The following FBN2 variants were observed in gnomAD, a reference collection of about 807,000 sequenced individuals.
FBN2 encodes fibrillin 2.
FBN2 carries 105 observed loss-of-function variants against 355.6 expected under a neutral mutation model. The observed-to-expected ratio is 0.30, with a 90% CI of 0.25 to 0.35. The LOEUF (loss-of-function observed/expected upper bound fraction) is 0.35, where lower values mean the gene tolerates loss of function less well. Among genes scored for constraint, FBN2 ranks in the 10% least tolerant of loss-of-function variants. The pLI, the probability that FBN2 is intolerant of heterozygous loss-of-function variation, is 1.00. For missense variants in FBN2, 3,280 were observed against 3,758.7 expected (o/e 0.87, Z 3.33); for synonymous variants, 1,350 against 1,301.2 (o/e 1.04, Z -0.81).
chr5:128,535,249 C>T (rs1016544153), intron 2 of FBN2, among the ~76,000 whole-genome samples: 26 of 152,182 alleles, frequency 1.7e-4, no homozygotes, highest in African/African-American at 6.0e-4. Flanking sequence ...AGAAATTAGT[C>T]TTTATGACAC....
rs759575896 is a variant in FBN2, at chr5:128,289,177, C to T, written c.6587G>A (p.Cys2196Tyr). The stretch of plus-strand genomic sequence containing the variant: ...AAGGTTGTAGCCCATTGGACATTCA[C>T]AGCGAAAAGATCCGTCGGTGTTGAT... ...QCINTDGSFR[C>Y]ECPMGYNLDY... The change falls in exon 52 of 65, where the codon TGT (cysteine) becomes TAT (tyrosine). Residue 2196 changes from cysteine (C) to tyrosine (Y), a missense_variant. Cys to Tyr is a radical substitution (Grantham distance 194). Around this residue, in one of 6 missense-constraint regions of FBN2, gnomAD observed 2,284 missense variants for 2,749.5 expected, o/e 0.83. Coordinates refer to ENST00000262464, the MANE Select transcript of FBN2 (RefSeq NM_001999.4). The T allele has an allele frequency of 6.2e-7, 1 of 1,613,980 alleles. No individual in the cohort carries two copies. Among genetic ancestry groups the T allele is most frequent in the Non-Finnish European group, 8.5e-7 (1 of 1,179,894 alleles).
intron 6 of FBN2, among the ~76,000 whole-genome samples, chr5:128,451,718 T>G (rs528572304): frequency 6.3e-4 from 96 of 152,316 alleles, no homozygotes; most frequent in African/African-American, 2.1e-3. Context: ...CATTTTTAAA[T>G]GTACTACACT....
intron 14 of FBN2, among the ~76,000 whole-genome samples, chr5:128,375,043 T>A (rs962744499): frequency 6.6e-5 from 10 of 152,192 alleles, no homozygotes; most frequent in African/African-American, 2.4e-4. Flanking sequence ...GTAAAACAAA[T>A]TCTTTAAAAA....
chr5:128,469,576 G>C (rs1754802071), intron 5 of FBN2, among the ~76,000 whole-genome samples: 1 of 151,290 alleles, frequency 6.6e-6, no homozygotes, highest in South Asian at 2.1e-4. Context: ...TTCTGGCATG[G>C]AATGACAAGC....
Position 128,452,628 on chromosome 5 carries a change from T to C in FBN2, c.827-6022A>G, listed in dbSNP as rs747939712. Among the ~76,000 whole-genome samples the C allele has an allele frequency of 4.3e-4, 66 of 152,346 alleles. 1 individual carries two copies. In the Middle Eastern group the frequency reaches 0.01, roughly 24 times the overall value. ...TTATATGTGTAGCAACCAGGGGACA[T>C]AGAAATTACTACTATATTTCATAGC... On this transcript the variant is annotated intron_variant, in intron 6 of 64. Coordinates refer to ENST00000262464, the MANE Select transcript of FBN2 (RefSeq NM_001999.4).
chr5:128,491,799 AT>A (rs772976513), intron 5 of FBN2, among the ~76,000 whole-genome samples: 2 of 152,184 alleles, frequency 1.3e-5, no homozygotes, highest in Non-Finnish European at 2.9e-5. Flanking sequence ...GATCATGGGC[AT>A]TTTTCTTCAA....
chr5:128,481,453 G>A (rs150731794), intron 5 of FBN2, among the ~76,000 whole-genome samples: 1 of 152,284 alleles, frequency 6.6e-6, no homozygotes, highest in African/African-American at 2.4e-5. Context: ...GCCCAGGTAG[G>A]AAGGGATTAT....
chr5:128,288,096 G>T (rs1006410113), intron 53 of FBN2, among the ~76,000 whole-genome samples: 1 of 152,062 alleles, frequency 6.6e-6, no homozygotes, highest in Non-Finnish European at 1.5e-5. Flanking sequence ...AACTGATTTC[G>T]AAGCATATCA....
intron 7 of FBN2, among the ~76,000 whole-genome samples, chr5:128,440,476 G>A (rs1346677606): frequency 2.0e-5 from 3 of 152,096 alleles, no homozygotes; most frequent in African/African-American, 7.2e-5. Context: ...AGGGGGAAGA[G>A]CTACACACTT....
rs771848259 is a variant in FBN2, at chr5:128,349,436, G to A, written c.2900C>T (p.Pro967Leu). ...CTTACTGTTGACACAGCGTCCATTT[G>A]GACAAACGCCAGGGAACACCTCACA... ...NECEVFPGVC[P>L]NGRCVNSKGS... Residue 967 changes from proline to leucine, a missense_variant, in exon 23 of 65, where the codon CCA (proline) becomes CTA (leucine). Pro to Leu is a moderately conservative substitution (Grantham distance 98). This residue lies in a region of FBN2 where 2,284 missense variants were observed against 2,749.5 expected (regional missense o/e 0.83). Coordinates refer to ENST00000262464, the MANE Select transcript of FBN2 (RefSeq NM_001999.4). 6.2e-7 allele frequency: 1 copy of A among 1,613,816 alleles called. No individual in the cohort carries two copies. The highest frequency in any genetic ancestry group is 1.3e-5 in the African/African-American group (1 of 74,882).
chr5:128,318,332 T>G, intron 35 of FBN2, 61 bp from the exon 36 acceptor site: 5 of 1,582,308 alleles, frequency 3.2e-6, no homozygotes, highest in Non-Finnish European at 4.3e-6. Flanking sequence ...CATACTGCTG[T>G]TCCAAAGAAT....
At position 128,305,838 on chromosome 5, in the gene FBN2, G is replaced by A. The variant is rs1278032940; in HGVS notation, c.5533C>T (p.Leu1845=). 1 of 1,613,986 alleles carries A rather than the reference G, an allele frequency of 6.2e-7. No individual in the cohort carries two copies. The highest frequency in any genetic ancestry group is 1.1e-5 in the South Asian group (1 of 91,074). ...CPTGFSYNDL[L]LVCEDIDECS... ...TTCAGATTACCTTCACAAACCAACA[G>A]CAGGTCATTGTAACTGAATCCTGTA... Residue 1845 remains leucine, a synonymous_variant, in exon 43 of 65, where the codon CTG becomes TTG. Transcript: ENST00000262464.
intron 6 of FBN2, among the ~76,000 whole-genome samples, chr5:128,457,320 C>T (rs760237979): frequency 5.3e-5 from 8 of 152,114 alleles, no homozygotes; most frequent in East Asian, 1.9e-4. Context: ...ACCTAACCTA[C>T]GATTGACTGG....
At chr5:128,307,676 T>A (rs761974043) in intron 41 of FBN2, among the ~76,000 whole-genome samples, 13 of 151,862 alleles carry the variant, frequency 8.6e-5, no homozygotes, top group Admixed American at 2.6e-4. Flanking sequence ...TTTTGTCTTT[T>A]TTTTTTTTAC....
At chr5:128,321,182 C>T (rs1366287142) in intron 34 of FBN2, among the ~76,000 whole-genome samples, 1 of 152,120 alleles carries the variant, frequency 6.6e-6, no homozygotes, top group Non-Finnish European at 1.5e-5. Flanking sequence ...TAAGAAAATG[C>T]TTATTATCTT....
At chr5:128,493,328 G>T (rs1308893853) in intron 5 of FBN2, among the ~76,000 whole-genome samples, 3 of 152,148 alleles carry the variant, frequency 2.0e-5, no homozygotes, top group African/African-American at 4.8e-5. Flanking sequence ...GTTTACTGTG[G>T]CTGGAGTTGT....
chr5:128,483,509 T>C (rs1047671184), intron 5 of FBN2, among the ~76,000 whole-genome samples: 1 of 152,072 alleles, frequency 6.6e-6, no homozygotes, highest in Non-Finnish European at 1.5e-5. Context: ...GCTGAGTTTT[T>C]TTTTTTTAAA....
chr5:128,398,739 T>C (rs1205111514), intron 8 of FBN2, among the ~76,000 whole-genome samples: 2 of 152,186 alleles, frequency 1.3e-5, no homozygotes, highest in Non-Finnish European at 2.9e-5. Flanking sequence ...CCAAATCTCA[T>C]CGTGAATTCC....
intron 48 of FBN2, among the ~76,000 whole-genome samples, chr5:128,293,064 T>C (rs1220407947): frequency 3.9e-5 from 6 of 152,192 alleles, no homozygotes; most frequent in African/African-American, 1.4e-4. Flanking sequence ...ATGTTCACTG[T>C]CATACCCACT....
Sources: allele counts gnomAD v4.1 joint callset (sites outside exome capture counted in the v4.1 genomes callset), GRCh38; gene constraint gnomAD v4.1.1; regional missense constraint gnomAD v4.1.1; transcripts MANE v1.5; gene names NCBI Gene and HGNC (gene_info 2026-07-23, HGNC 2026-07-21).